RUVBL1: variants seen among roughly 807,000 people sequenced by gnomAD.
RUVBL1 encodes the protein RuvB like AAA ATPase 1.
Under a neutral mutation model 52.4 loss-of-function variants are expected in RUVBL1, and 4 were observed. The ratio of observed to expected loss-of-function variants is 0.08; its 90% CI spans 0.04 to 0.17. RUVBL1 has a LOEUF of 0.17. RUVBL1 is among the 10% of genes least tolerant of loss of function. The probability of loss-of-function intolerance (pLI) is 1.00; values close to 1 mark genes in which losing one functional copy is unlikely to be tolerated. For synonymous variants in RUVBL1, 217 were observed against 214.4 expected (o/e 1.01, Z -0.10); for missense variants, 298 against 572.8 (o/e 0.52, Z 4.90).
At chr3:128,126,319 G>T (rs370578055), upstream of RUVBL1, among the ~76,000 whole-genome samples, 54 of 152,278 alleles carry the variant, frequency 3.5e-4, no homozygotes, top group South Asian at 0.01. Flanking sequence ...GCCGAGGCAG[G>T]TGGATCACCT....
intron 3 of RUVBL1, among the ~76,000 whole-genome samples, chr3:128,106,711 C>T (rs913635893): frequency 3.9e-5 from 6 of 152,184 alleles, no homozygotes; most frequent in South Asian, 2.1e-4. Flanking sequence ...ACCCAAGAAA[C>T]GAACCTGCAG....
intron 8 of RUVBL1, among the ~76,000 whole-genome samples, chr3:128,090,323 A>T (rs1192298952): frequency 6.6e-6 from 1 of 152,132 alleles, no homozygotes; most frequent in Non-Finnish European, 1.5e-5. Context: ...CGAGGTCAGG[A>T]GATTGAGACC....
At chr3:128,068,530 A>T (rs992259016) in intron 9 of RUVBL1, 4 of 162,774 alleles carry the variant, frequency 2.5e-5, no homozygotes, top group African/African-American at 9.6e-5. Flanking sequence ...GAAGGGGTTG[A>T]TGTGCATCTG....
intron 1 of RUVBL1, among the ~76,000 whole-genome samples, chr3:128,152,669 T>C (rs1004369712): frequency 2.0e-5 from 3 of 152,098 alleles, no homozygotes; most frequent in Non-Finnish European, 4.4e-5. Context: ...TGTCCGGAGT[T>C]GGTTTCTTCC....
At chr3:128,072,410 CTTGTAGTCTT>C (rs1942190815) in intron 9 of RUVBL1, among the ~76,000 whole-genome samples, 1 of 152,356 alleles carries the variant, frequency 6.6e-6, no homozygotes, top group South Asian at 2.1e-4. Flanking sequence ...TCAGTATTTC[CTTGTAGTCTT>C]AGACCTTGTC....
At chr3:128,138,075 C>T (rs1943972617) in intron 1 of RUVBL1, among the ~76,000 whole-genome samples, 1 of 152,172 alleles carries the variant, frequency 6.6e-6, no homozygotes. Flanking sequence ...AACAGACCCA[C>T]AGCTAGTGTC....
intron 2 of RUVBL1, among the ~76,000 whole-genome samples, chr3:128,113,352 T>C (rs539946325): frequency 8.5e-5 from 13 of 152,314 alleles, no homozygotes; most frequent in Non-Finnish European, 1.8e-4. Flanking sequence ...CTGAGAGACA[T>C]TAAGTAATGC....
chr3:128,111,325 CTG>C (rs1398226260), intron 3 of RUVBL1, among the ~76,000 whole-genome samples: 1 of 152,070 alleles, frequency 6.6e-6, no homozygotes, highest in Non-Finnish European at 1.5e-5. Flanking sequence ...GTGCCAGGAA[CTG>C]TGTCTACAAA....
At chr3:128,151,983 G>A (rs1297303916) in intron 1 of RUVBL1, among the ~76,000 whole-genome samples, 1 of 152,226 alleles carries the variant, frequency 6.6e-6, no homozygotes, top group Non-Finnish European at 1.5e-5. Flanking sequence ...TAGCATTCCT[G>A]CCTGGTATCA....
chr3:128,100,559 C>A (rs776888815), intron 6 of RUVBL1, 36 bp downstream of exon 6: 5 of 1,561,976 alleles, frequency 3.2e-6, no homozygotes, highest in Admixed American at 2.1e-5. Flanking sequence ...TACAAAAGGG[C>A]TAATGTGCCA....
At chr3:128,153,618 CA>C (rs1311137157) in exon 1 of RUVBL1, 1 of 1,596,716 alleles carries the variant, frequency 6.3e-7, no homozygotes, top group Non-Finnish European at 8.5e-7. Flanking sequence ...CCGCCTTTGA[CA>C]AGCAGCCGCA....
intron 1 of RUVBL1, among the ~76,000 whole-genome samples, chr3:128,133,028 C>T (rs1315174017): frequency 6.6e-6 from 1 of 152,116 alleles, no homozygotes; most frequent in African/African-American, 2.4e-5. Flanking sequence ...AAGGGAGAGA[C>T]CCAGGCCCAG....
chr3:128,116,136 G>A (rs1253445932), intron 2 of RUVBL1, among the ~76,000 whole-genome samples: 1 of 151,530 alleles, frequency 6.6e-6, no homozygotes, highest in African/African-American at 2.4e-5. Flanking sequence ...GCGACAGACT[G>A]AAACTGTCTC....
intron 1 of RUVBL1, among the ~76,000 whole-genome samples, chr3:128,131,806 A>T (rs886940495): frequency 3.3e-5 from 5 of 152,224 alleles, no homozygotes; most frequent in African/African-American, 9.6e-5. Context: ...AACAACTAGG[A>T]GTTGCCTATG....
chr3:128,069,864 G>T, intron 9 of RUVBL1: 1 of 573,000 alleles, frequency 1.7e-6, no homozygotes, highest in Non-Finnish European at 3.1e-6. Context: ...AAAGAACTGT[G>T]AAAGTGAAAT....
chr3:128,128,027 C>A (rs1943819795), upstream of RUVBL1, among the ~76,000 whole-genome samples: 1 of 151,998 alleles, frequency 6.6e-6, no homozygotes, highest in Non-Finnish European at 1.5e-5. Flanking sequence ...TACATACATA[C>A]ATACATACAT....
chr3:128,101,833 C>A (rs1282907490), intron 4 of RUVBL1, among the ~76,000 whole-genome samples, 185 bp from the exon 5 acceptor site: 3 of 152,172 alleles, frequency 2.0e-5, no homozygotes. Context: ...AACAGACTGG[C>A]TGGGGGACTA....
Position 128,123,625 on chromosome 3 carries a change from G to C in RUVBL1, c.100C>G (p.Gln34Glu). 6.2e-7 allele frequency: 1 copy of C among 1,611,840 alleles called. No individual in the cohort carries two copies. Among genetic ancestry groups the C allele is most frequent in the Non-Finnish European group, 8.5e-7 (1 of 1,179,534 alleles). ...TGGCCCACAAGCCCTGAGGCCGCCTGCTTGGCCAAGCCGCTCTCGTCCAGC... is the reference window on the plus strand; with the variant it reads ...TGGCCCACAAGCCCTGAGGCCGCCTCCTTGGCCAAGCCGCTCTCGTCCAGC... The part of the protein sequence containing the change: ...LGLDESGLAK[Q>E]AASGLVGQEN... Residue 34 changes from glutamine to glutamate, a missense_variant, in exon 1 of 11, where the codon CAG (glutamine) becomes GAG (glutamate). Physicochemically the swap from Gln to Glu is conservative, Grantham distance 29. Transcript: ENST00000322623.
Position 128,104,806 on chromosome 3 carries a change from T to C in RUVBL1, c.480A>G (p.Gly160=), listed in dbSNP as rs1265397871. The C allele has an allele frequency of 6.2e-7, 1 of 1,611,720 alleles. No individual in the cohort carries two copies. Residue 160 remains glycine (G), a synonymous_variant, in exon 4 of 11, where the codon GGA becomes GGG. Coordinates refer to ENST00000322623, the MANE Select transcript of RUVBL1 (RefSeq NM_003707.3). ...YGKTISHVII[G]LKTAKGTKQL... ...GTTTGGTTCCTTTGGCTGTTTTGAG[T>C]CCTATGATCACATGGCTAATGGTTT... is the stretch of plus-strand genomic sequence containing the variant.
Sources: gnomAD v4.1 joint callset for allele counts (sites outside exome capture counted in the v4.1 genomes callset) on GRCh38, gnomAD v4.1.1 for gene constraint, MANE v1.5 for transcripts, NCBI Gene and HGNC (gene_info 2026-07-23, HGNC 2026-07-21) for gene names.